The following SPATA6 variants were observed in gnomAD, a reference collection of about 807,000 sequenced individuals.
SPATA6 encodes spermatogenesis-associated protein 6.
In SPATA6, 56 loss-of-function variants were observed where a neutral mutation model predicts 65.3. The ratio of observed to expected loss-of-function variants is 0.86; its 90% CI spans 0.69 to 1.07. The LOEUF (loss-of-function observed/expected upper bound fraction) is 1.07, where lower values mean the gene tolerates loss of function less well. Ranked by LOEUF, SPATA6 falls within the 50% of genes least tolerant of loss-of-function variation. The probability of loss-of-function intolerance (pLI) is 0.00; values close to 1 mark genes in which losing one functional copy is unlikely to be tolerated. For missense variants in SPATA6, 590 were observed against 594.8 expected (o/e 0.99, Z 0.08); for synonymous variants, 199 against 213.2 (o/e 0.93, Z 0.58).
intron 9 of SPATA6, among the ~76,000 whole-genome samples, chr1:48,367,507 T>G (rs1168033005): frequency 6.6e-6 from 1 of 152,232 alleles, no homozygotes; most frequent in Non-Finnish European, 1.5e-5. Context: ...ATATTTAGGA[T>G]AGTTAACTCT....
chr1:48,369,300 C>T (rs1212004464), intron 9 of SPATA6, among the ~76,000 whole-genome samples: 1 of 152,178 alleles, frequency 6.6e-6, no homozygotes. Flanking sequence ...GCTGGGAGAA[C>T]CACTACCCTC....
intron 3 of SPATA6, among the ~76,000 whole-genome samples, chr1:48,442,318 A>G (rs1655567859): frequency 6.6e-6 from 1 of 152,208 alleles, no homozygotes; most frequent in South Asian, 2.1e-4. Flanking sequence ...CTACATGCCC[A>G]TGCTGCAATA....
intron 11 of SPATA6, among the ~76,000 whole-genome samples, chr1:48,330,757 T>C (rs909341472): frequency 6.6e-6 from 1 of 152,194 alleles, no homozygotes; most frequent in Non-Finnish European, 1.5e-5. Flanking sequence ...AGACAGGCAA[T>C]ACCCAGTAAG....
chr1:48,457,935 A>G (rs1245869739), intron 1 of SPATA6, among the ~76,000 whole-genome samples: 1 of 152,070 alleles, frequency 6.6e-6, no homozygotes, highest in Non-Finnish European at 1.5e-5. Context: ...GTGCTGGTGT[A>G]CTTATATTTA....
chr1:48,371,251 T>G (rs1557629713), intron 9 of SPATA6, among the ~76,000 whole-genome samples: 1 of 148,722 alleles, frequency 6.7e-6, no homozygotes, highest in African/African-American at 2.5e-5. Context: ...TCAATATCCA[T>G]TCATTGAATA....
At chr1:48,423,147 T>C (rs1391876288) in intron 3 of SPATA6, among the ~76,000 whole-genome samples, 2 of 152,100 alleles carry the variant, frequency 1.3e-5, no homozygotes, top group Non-Finnish European at 1.5e-5. Flanking sequence ...ATAAAATTAA[T>C]CAATGCTGAT....
intron 11 of SPATA6, among the ~76,000 whole-genome samples, chr1:48,338,012 A>G (rs914134053): frequency 1.3e-5 from 2 of 152,032 alleles, no homozygotes; most frequent in African/African-American, 4.8e-5. Context: ...AGGAAAAGCA[A>G]TTTTGAAGCA....
In SPATA6 at chr1:48,301,386, T is replaced by G. The variant is rs140442412; in HGVS notation, c.1287-2493A>C. ...GAGAACACAAGAAAATGGAAAGATA[T>G]TCCATGTTCATGGATTGAAAGAATC... On this transcript the variant is annotated intron_variant, in intron 12 of 12. Coordinates refer to ENST00000371847, the MANE Select transcript of SPATA6 (RefSeq NM_019073.4). 5.2e-3 allele frequency among the ~76,000 whole-genome samples: 784 copies of G among 151,886 alleles called. 20 individuals carry two copies. Among genetic ancestry groups the G allele is most frequent in the South Asian group, 0.05 (240 of 4,814 alleles).
intron 11 of SPATA6, among the ~76,000 whole-genome samples, chr1:48,314,027 C>G (rs1001616831): frequency 6.6e-6 from 1 of 152,198 alleles, no homozygotes; most frequent in Non-Finnish European, 1.5e-5. Flanking sequence ...ACAGGAGCAT[C>G]AAGATTCATA....
intron 11 of SPATA6, among the ~76,000 whole-genome samples, chr1:48,312,433 A>G (rs1645247332): frequency 6.6e-6 from 1 of 152,150 alleles, no homozygotes; most frequent in Non-Finnish European, 1.5e-5. Flanking sequence ...ACCCAGGCAA[A>G]TAGGGTCTGG....
intron 3 of SPATA6, among the ~76,000 whole-genome samples, chr1:48,443,838 CA>C (rs1338098031): frequency 6.6e-6 from 1 of 152,162 alleles, no homozygotes; most frequent in Non-Finnish European, 1.5e-5. Context: ...ACCTCCTTGT[CA>C]AATTTGTTTC....
At chr1:48,277,068 T>C in the SPATA6 span, among the ~76,000 whole-genome samples, 1 of 121,764 alleles carries the variant, frequency 8.2e-6, no homozygotes, top group Non-Finnish European at 2.1e-5. Context: ...TTGATCCCTT[T>C]ACCATTAGCA....
chr1:48,288,640 C>T, the SPATA6 span, among the ~76,000 whole-genome samples: 19 of 152,316 alleles, frequency 1.2e-4, no homozygotes, highest in African/African-American at 4.1e-4. Flanking sequence ...CCAGGTCACT[C>T]CCACCCTAAG....
intron 9 of SPATA6, among the ~76,000 whole-genome samples, chr1:48,364,954 C>T (rs1244580456): frequency 6.6e-6 from 1 of 152,134 alleles, no homozygotes; most frequent in African/African-American, 2.4e-5. Flanking sequence ...AGTCTTTAAT[C>T]CATCGTGAAT....
intron 11 of SPATA6, among the ~76,000 whole-genome samples, chr1:48,326,669 A>T (rs1177752228): frequency 6.6e-6 from 1 of 152,158 alleles, no homozygotes; most frequent in Non-Finnish European, 1.5e-5. Flanking sequence ...AAACAGACAC[A>T]TAATCAATGG....
intron 11 of SPATA6, among the ~76,000 whole-genome samples, chr1:48,317,527 T>TG (rs1400809664): frequency 7.0e-6 from 1 of 143,080 alleles, no homozygotes; most frequent in Non-Finnish European, 1.5e-5. Context: ...GGGCCTGTTG[T>TG]GGGGTGGGGG....
At chr1:48,350,508 T>C (rs1646487121) in intron 11 of SPATA6, among the ~76,000 whole-genome samples, 1 of 151,860 alleles carries the variant, frequency 6.6e-6, no homozygotes, top group South Asian at 2.1e-4. Context: ...ATTACACAGA[T>C]TTTCTACTAT....
At position 48,418,830 on chromosome 1, in the gene SPATA6, A is replaced by G. The variant is rs1480986624; in HGVS notation, c.239-5679T>C. Reference sequence around the variant, plus strand: ...GAAGGAGGGAAGGAGGGAGGGAGGGAAAGAGAGAGAGAGGAGAGGAGAGGG... The same window carrying G: ...GAAGGAGGGAAGGAGGGAGGGAGGGGAAGAGAGAGAGAGGAGAGGAGAGGG... On this transcript the variant is annotated intron_variant, in intron 3 of 12. Coordinates refer to ENST00000371847, the MANE Select transcript of SPATA6 (RefSeq NM_019073.4). Among the ~76,000 whole-genome samples, 11 of 144,498 alleles carry G rather than the reference A, an allele frequency of 7.6e-5. No individual in the cohort carries two copies. In the South Asian group the frequency reaches 2.2e-3, roughly 29 times the overall value. 94.8% of individuals were successfully genotyped at this position (144,498 alleles called of 152,430 possible). A position where few individuals can be genotyped will look rare whatever the true frequency, so the allele number is the denominator to read the frequency against.
chr1:48,413,295 CTT>C (rs569870269), intron 3 of SPATA6, 144 bp from the exon 4 acceptor site: 489 of 186,160 alleles, frequency 2.6e-3, no homozygotes, highest in Middle Eastern at 0.012. Context: ...ATGTACACTT[CTT>C]TTTTTTTTTT....
Sources: gnomAD v4.1 joint callset for allele counts (sites outside exome capture counted in the v4.1 genomes callset) on GRCh38, gnomAD v4.1.1 for gene constraint, MANE v1.5 for transcripts, NCBI Gene and HGNC (gene_info 2026-07-23, HGNC 2026-07-21) for gene names.